LEKR1: variants seen among roughly 807,000 people sequenced by gnomAD.
LEKR1 encodes the protein leucine, glutamate and lysine rich 1.
Under a neutral mutation model 72.4 loss-of-function variants are expected in LEKR1, and 59 were observed. The observed-to-expected ratio is 0.82, with a 90% CI of 0.66 to 1.01. The LOEUF is 1.01. Ranked by LOEUF, LEKR1 falls within the 50% of genes least tolerant of loss-of-function variation. LEKR1 has a pLI of 0.00. For missense variants in LEKR1, 728 were observed against 759.2 expected (o/e 0.96, Z 0.48); for synonymous variants, 257 against 263.2 (o/e 0.98, Z 0.23).
At chr3:156,975,635 T>C (rs1207067572) in intron 6 of LEKR1, among the ~76,000 whole-genome samples, 1 of 152,216 alleles carries the variant, frequency 6.6e-6, no homozygotes, top group Admixed American at 6.5e-5. Flanking sequence ...CTTAAATGAC[T>C]GATTATCCCA....
chr3:156,985,799 C>A (rs1205756766), intron 7 of LEKR1, among the ~76,000 whole-genome samples: 4 of 149,574 alleles, frequency 2.7e-5, no homozygotes, highest in African/African-American at 9.9e-5. Flanking sequence ...GGCAAGATCG[C>A]ACCACTGCAC....
intron 2 of LEKR1, chr3:156,851,330 A>C (rs530922837): frequency 6.6e-6 from 1 of 152,210 alleles, no homozygotes; most frequent in African/African-American, 2.4e-5. Flanking sequence ...ACTGGTGCAC[A>C]CTTCAGGGAG....
chr3:157,021,051 G>A (rs1223459647), intron 10 of LEKR1, among the ~76,000 whole-genome samples: 1 of 151,794 alleles, frequency 6.6e-6, no homozygotes, highest in Non-Finnish European at 1.5e-5. Context: ...ATTTTTTCAT[G>A]TGTCTTTTGG....
At chr3:157,035,119 C>G (rs1268535878) in intron 12 of LEKR1, among the ~76,000 whole-genome samples, 1 of 152,170 alleles carries the variant, frequency 6.6e-6, no homozygotes, top group African/African-American at 2.4e-5. Flanking sequence ...ATTTTTTAGA[C>G]TTAATGCTAT....
chr3:156,978,976 A>G (rs941504494), intron 6 of LEKR1, among the ~76,000 whole-genome samples: 1 of 152,214 alleles, frequency 6.6e-6, no homozygotes, highest in African/African-American at 2.4e-5. Flanking sequence ...GAGGCCAACA[A>G]ATTGGGCCTG....
rs746712496 is a variant in LEKR1 at position 156,942,541 on chromosome 3, T to A, written c.572T>A (p.Leu191Gln). Residue 191 changes from leucine to glutamine, a missense_variant, in exon 6 of 13, where the codon CTG becomes CAG. Leu to Gln is a moderately radical substitution (Grantham distance 113). Coordinates refer to ENST00000356539, the MANE Select transcript of LEKR1 (RefSeq NM_001004316.3). ...SETALTEIDI[L>Q]NKSLTVSQRN... ...ATTCTTCTTACAGAAATAGACATAC[T>A]GAATAAAAGTTTGACAGTATCCCAG... is the stretch of plus-strand genomic sequence containing the variant. 1.7e-6 allele frequency: 2 copies of A among 1,201,100 alleles called. No individual in the cohort carries two copies. The highest frequency in any genetic ancestry group is 1.3e-4 in the East Asian group (2 of 15,778). 74.4% of individuals were successfully genotyped at this position (1,201,100 alleles called of 1,614,324 possible). A position where few individuals can be genotyped will look rare whatever the true frequency, so the allele number is the denominator to read the frequency against.
intron 4 of LEKR1, among the ~76,000 whole-genome samples, chr3:156,922,428 G>T (rs1724293591): frequency 6.6e-6 from 1 of 150,962 alleles, no homozygotes; most frequent in Non-Finnish European, 1.5e-5. Flanking sequence ...AAAAAAAAAA[G>T]AGTTAAGGGA....
chr3:156,944,211 T>C (rs907981023), intron 6 of LEKR1, among the ~76,000 whole-genome samples: 9 of 151,734 alleles, frequency 5.9e-5, no homozygotes, highest in Non-Finnish European at 1.3e-4. Context: ...TTAATACATA[T>C]AGAATTTATT....
At chr3:156,932,705 C>CA (rs71141797) in intron 5 of LEKR1, among the ~76,000 whole-genome samples, 17,924 of 99,396 alleles carry the variant, frequency 0.18, 1,962 homozygotes, top group African/African-American at 0.35. Context: ...GACTCTGTCT[C>CA]AAAAAAAAAA....
chr3:156,962,135 G>T (rs1442812436), intron 6 of LEKR1, among the ~76,000 whole-genome samples: 1 of 152,156 alleles, frequency 6.6e-6, no homozygotes, highest in African/African-American at 2.4e-5. Flanking sequence ...GGAGTCATCC[G>T]TCTGTATGGC....
At chr3:156,993,324 A>G (rs1329541483) in intron 9 of LEKR1, 47 bp downstream of exon 9, 1 of 1,232,850 alleles carries the variant, frequency 8.1e-7, no homozygotes, top group East Asian at 2.3e-5. Context: ...TGTTTAAGTT[A>G]GTATTCCATA....
intron 6 of LEKR1, among the ~76,000 whole-genome samples, chr3:156,958,619 CATCT>C (rs1727857094): frequency 6.6e-6 from 1 of 152,030 alleles, no homozygotes; most frequent in South Asian, 2.1e-4. Context: ...TAGATGTTCC[CATCT>C]ATTGACCTTG....
At chr3:156,868,558 G>A (rs142955273) in intron 3 of LEKR1, among the ~76,000 whole-genome samples, 131 of 152,116 alleles carry the variant, frequency 8.6e-4, no homozygotes, top group African/African-American at 3.1e-3. Flanking sequence ...CAAATTGGGG[G>A]TAGAGTGTGA....
intron 7 of LEKR1, among the ~76,000 whole-genome samples, chr3:156,984,502 C>A (rs1165362347): frequency 1.3e-5 from 2 of 151,984 alleles, no homozygotes; most frequent in East Asian, 1.9e-4. Context: ...TATGGTGAAA[C>A]CTCGCCTTTA....
chr3:156,899,625 C>CATGTATATATACATATACGT (rs1560064679), intron 3 of LEKR1, among the ~76,000 whole-genome samples: 12 of 88,566 alleles, frequency 1.4e-4, no homozygotes, highest in African/African-American at 5.6e-4. Flanking sequence ...CATATATACA[C>CATGTATATATACATATACGT]ATATATACAC....
intron 3 of LEKR1, among the ~76,000 whole-genome samples, chr3:156,854,137 C>CTTTTTT (rs370896609): frequency 4.6e-5 from 5 of 108,228 alleles, no homozygotes; most frequent in African/African-American, 7.2e-5. Flanking sequence ...GTAAAAATCA[C>CTTTTTT]TTTTTTTTTT....
chr3:156,968,086 G>C (rs1728798902), intron 6 of LEKR1, among the ~76,000 whole-genome samples: 1 of 152,106 alleles, frequency 6.6e-6, no homozygotes, highest in Admixed American at 6.5e-5. Context: ...GAGAGATTTT[G>C]TCACCACCAG....
intron 5 of LEKR1, among the ~76,000 whole-genome samples, chr3:156,933,826 A>G (rs1281119124): frequency 6.6e-6 from 1 of 152,218 alleles, no homozygotes; most frequent in Admixed American, 6.5e-5. Context: ...TCTTAGAAAA[A>G]TAACAAACAA....
intron 5 of LEKR1, among the ~76,000 whole-genome samples, chr3:156,931,198 A>G (rs1725192500): frequency 1.3e-5 from 2 of 152,200 alleles, no homozygotes; most frequent in Non-Finnish European, 2.9e-5. Context: ...CTACAAGTCA[A>G]TAATAAAAGT....
Sources: gnomAD v4.1 joint callset for allele counts (sites outside exome capture counted in the v4.1 genomes callset) on GRCh38, gnomAD v4.1.1 for gene constraint, MANE v1.5 for transcripts, NCBI Gene and HGNC (gene_info 2026-07-23, HGNC 2026-07-21) for gene names.